SLC25A13: variants seen among roughly 807,000 people sequenced by gnomAD.
SLC25A13 encodes solute carrier family 25 member 13.
In SLC25A13, 70 loss-of-function variants were observed where a neutral mutation model predicts 85.5. The ratio of observed to expected loss-of-function variants is 0.82; its 90% CI spans 0.68 to 1.00. The LOEUF is 1.00. SLC25A13 is among the 50% of genes least tolerant of loss of function. SLC25A13 has a pLI of 0.00. For synonymous variants in SLC25A13, 259 were observed against 288.7 expected, an observed-to-expected ratio of 0.90 and a Z score of 1.04; for missense variants, 765 against 819.8, an observed-to-expected ratio of 0.93 and a Z score of 0.82.
intron 3 of SLC25A13, among the ~76,000 whole-genome samples, chr7:96,244,870 T>G (rs955999785): frequency 2.6e-5 from 4 of 152,246 alleles, no homozygotes; most frequent in Non-Finnish European, 5.9e-5. Flanking sequence ...TTAAAGATTT[T>G]TATTGGCAAT....
chr7:96,168,264 T>C (rs2116570284), intron 13 of SLC25A13, among the ~76,000 whole-genome samples: 1 of 151,986 alleles, frequency 6.6e-6, no homozygotes, highest in Admixed American at 6.5e-5. Context: ...CTTCTTAAAG[T>C]AATGATTGGG....
At chr7:96,254,778 G>A (rs1797564002) in intron 3 of SLC25A13, among the ~76,000 whole-genome samples, 1 of 151,860 alleles carries the variant, frequency 6.6e-6, no homozygotes, top group African/African-American at 2.4e-5. Flanking sequence ...CTTATATTTG[G>A]GGAAAAAATA....
chr7:96,167,589 G>A (rs1793806327), intron 13 of SLC25A13, among the ~76,000 whole-genome samples: 1 of 152,184 alleles, frequency 6.6e-6, no homozygotes, highest in Non-Finnish European at 1.5e-5. Flanking sequence ...CATGAAGCAA[G>A]GTGAGCTCCC....
chr7:96,205,771 G>C (rs995600071), intron 5 of SLC25A13, among the ~76,000 whole-genome samples: 4 of 152,122 alleles, frequency 2.6e-5, no homozygotes, highest in African/African-American at 9.7e-5. Context: ...CACAGAAAAG[G>C]ACATAGCAAC....
In SLC25A13 at chr7:96,146,780, T is replaced by TA. The variant is rs1169252797; in HGVS notation, c.1312-85dup. 4 of 1,465,534 alleles carry TA rather than the reference T, an allele frequency of 2.7e-6. No homozygotes were observed. The East Asian group carries it at 9.1e-5, about 33-fold the overall frequency. 90.8% of individuals were successfully genotyped at this position (1,465,534 alleles called of 1,614,324 possible). A position where few individuals can be genotyped will look rare whatever the true frequency, so the allele number is the denominator to read the frequency against. The stretch of plus-strand genomic sequence containing the variant: ...AGAGATGAATGATTATTCTCAAGGA[T>TA]AAAAATATTCTATCCTCAAGAGAAT... On this transcript the variant is annotated intron_variant, in intron 13 of 17. Transcript: ENST00000265631.
intron 2 of SLC25A13, among the ~76,000 whole-genome samples, chr7:96,294,974 G>C (rs1400139629): frequency 6.6e-6 from 1 of 151,978 alleles, no homozygotes; most frequent in Non-Finnish European, 1.5e-5. Context: ...AGCATTTACT[G>C]AATCAATACA....
At chr7:96,316,728 T>G (rs1800140851) in intron 1 of SLC25A13, among the ~76,000 whole-genome samples, 1 of 152,184 alleles carries the variant, frequency 6.6e-6, no homozygotes, top group East Asian at 1.9e-4. Flanking sequence ...GTAAGGCTCT[T>G]GGAAAAGTAC....
chr7:96,254,861 GA>G (rs1432700393), intron 3 of SLC25A13, among the ~76,000 whole-genome samples: 5 of 152,168 alleles, frequency 3.3e-5, no homozygotes, highest in Non-Finnish European at 7.3e-5. Context: ...GAGTCAGGGT[GA>G]AAAGGACGGG....
intron 4 of SLC25A13, among the ~76,000 whole-genome samples, chr7:96,214,107 T>A (rs1321623906): frequency 6.6e-6 from 1 of 152,164 alleles, no homozygotes; most frequent in East Asian, 1.9e-4. Flanking sequence ...AAAGTTTCCA[T>A]CTTAAAAGTC....
intron 3 of SLC25A13, among the ~76,000 whole-genome samples, chr7:96,241,037 G>GAAA (rs1160209567): frequency 4.0e-4 from 32 of 80,658 alleles, no homozygotes; most frequent in African/African-American, 1.2e-3. Flanking sequence ...AAGAAAGAAA[G>GAAA]GAAAGAAAGA....
chr7:96,251,436 T>C (rs1367850199), intron 3 of SLC25A13, among the ~76,000 whole-genome samples: 1 of 152,220 alleles, frequency 6.6e-6, no homozygotes, highest in Non-Finnish European at 1.5e-5. Context: ...TCACTCTGGC[T>C]GCACAAGAAG....
chr7:96,158,458 T>C (rs904399647), intron 13 of SLC25A13, among the ~76,000 whole-genome samples: 1 of 152,228 alleles, frequency 6.6e-6, no homozygotes, highest in African/African-American at 2.4e-5. Context: ...CACCCTCCTT[T>C]AATTTGAATT....
At chr7:96,313,218 G>T (rs1800007805) in intron 1 of SLC25A13, among the ~76,000 whole-genome samples, 1 of 152,162 alleles carries the variant, frequency 6.6e-6, no homozygotes, top group African/African-American at 2.4e-5. Context: ...CATTAAGGGG[G>T]CAGGTAGTGC....
At chr7:96,134,793 T>TATATATATATATATATATA (rs1792192548) in intron 14 of SLC25A13, among the ~76,000 whole-genome samples, 4 of 102,246 alleles carry the variant, frequency 3.9e-5, no homozygotes, top group South Asian at 3.9e-4. Context: ...ACAAACAATT[T>TATATATATATATATATATA]TATATATATA....
intron 13 of SLC25A13, among the ~76,000 whole-genome samples, chr7:96,151,748 G>C (rs1367680994): frequency 6.6e-6 from 1 of 151,906 alleles, no homozygotes. Context: ...TTTGAGACCA[G>C]GCTGGCCAAC....
chr7:96,136,781 G>C (rs569988260), intron 14 of SLC25A13, among the ~76,000 whole-genome samples: 34 of 152,170 alleles, frequency 2.2e-4, no homozygotes, highest in Non-Finnish European at 4.0e-4. Context: ...CGGGCACCAG[G>C]AGCCAGCAGG....
intron 15 of SLC25A13, among the ~76,000 whole-genome samples, chr7:96,125,841 A>T (rs1383444324): frequency 1.5e-5 from 2 of 134,278 alleles, no homozygotes; most frequent in South Asian, 2.9e-4. Context: ...CTAACGCTTG[A>T]TATTTAATTA....
rs1794769970 is a variant in SLC25A13, at chr7:96,189,599, T to C, written c.830A>G (p.Asp277Gly). 1 of 1,578,104 alleles carries C rather than the reference T, an allele frequency of 6.3e-7. No homozygotes were observed. The highest frequency in any genetic ancestry group is 1.4e-5 in the African/African-American group (1 of 72,526). Reference sequence around the variant, plus strand: ...AACTTACCCCCTTGGCTCATATAAATCTGCTAACTGAAACAAGATGTCAAC... The same window carrying C: ...AACTTACCCCCTTGGCTCATATAAACCTGCTAACTGAAACAAGATGTCAAC... The part of the protein sequence containing the change: ...MEVDILFQLA[D>G]LYEPRGRMTL... Residue 277 changes from aspartate (D) to glycine (G), a missense_variant, in exon 8 of 18, where the codon GAT becomes GGT. By Grantham distance (94) the Asp-to-Gly change is moderately conservative. Transcript: ENST00000265631.
intron 4 of SLC25A13, among the ~76,000 whole-genome samples, chr7:96,213,734 A>T (rs1177755740): frequency 6.6e-6 from 1 of 152,186 alleles, no homozygotes; most frequent in Non-Finnish European, 1.5e-5. Flanking sequence ...AAATAATTAG[A>T]ATTAGGTCTC....
Sources: allele counts gnomAD v4.1 joint callset (sites outside exome capture counted in the v4.1 genomes callset), GRCh38; gene constraint gnomAD v4.1.1; transcripts MANE v1.5; gene names NCBI Gene and HGNC (gene_info 2026-07-23, HGNC 2026-07-21).